The following IER3IP1 variants were observed in gnomAD, a reference collection of about 807,000 sequenced individuals.
IER3IP1 encodes the protein immediate early response 3 interacting protein 1.
IER3IP1 carries 16 observed loss-of-function variants against 12.2 expected under a neutral mutation model. The ratio of observed to expected loss-of-function variants is 1.31; its 90% CI spans 0.89 to 1.99. IER3IP1 has a LOEUF of 1.99. Among genes scored for constraint, IER3IP1 ranks in the 30% most tolerant of loss-of-function variants. IER3IP1 has a pLI of 0.00. For synonymous variants in IER3IP1, 42 were observed against 40.0 expected (o/e 1.05, Z -0.19); for missense variants, 95 against 95.8 (o/e 0.99, Z 0.03).
At chr18:47,169,263 G>A (rs1339826154) in intron 1 of IER3IP1, among the ~76,000 whole-genome samples, 2 of 152,236 alleles carry the variant, frequency 1.3e-5, no homozygotes, top group Non-Finnish European at 2.9e-5. Context: ...ATTGTAGTGT[G>A]TAATAATACT....
Position 47,154,546 on chromosome 18 carries a change from T to C in IER3IP1, c.*1631A>G, listed in dbSNP as rs2063951584. ...TTCATTTTAAAAAATTTTGTACTGC[T>C]CATACCATATGGGGAAATGGGCCTG... On this transcript the variant is annotated 3_prime_UTR_variant, in exon 3 of 3. Coordinates refer to ENST00000256433, the MANE Select transcript of IER3IP1 (RefSeq NM_016097.5). The C allele has an allele frequency of 6.6e-6, 1 of 152,240 alleles. No homozygotes were observed. Among genetic ancestry groups the C allele is most frequent in the Non-Finnish European group, 1.5e-5 (1 of 68,040 alleles). 9.4% of individuals were successfully genotyped at this position (152,240 alleles called of 1,614,324 possible).
At chr18:47,158,074 G>T (rs962093273) in intron 1 of IER3IP1, among the ~76,000 whole-genome samples, 3 of 152,024 alleles carry the variant, frequency 2.0e-5, no homozygotes, top group Admixed American at 2.0e-4. Flanking sequence ...CAAACACCAG[G>T]ATACCAAATC....
chr18:47,159,848 T>C (rs1328517245), intron 1 of IER3IP1, among the ~76,000 whole-genome samples: 1 of 152,180 alleles, frequency 6.6e-6, no homozygotes, highest in East Asian at 1.9e-4. Context: ...ACTTGCTCTT[T>C]TTGAAATTCT....
intron 2 of IER3IP1, 53 bp downstream of exon 2, chr18:47,157,383 A>G: frequency 2.0e-6 from 3 of 1,481,928 alleles, no homozygotes; most frequent in African/African-American, 2.8e-5. Context: ...AAGCCTTGCT[A>G]CTTAAACCAC....
In IER3IP1 at chr18:47,157,459, C is replaced by A. The variant is rs149009126; in HGVS notation, c.170G>T (p.Arg57Leu). 3 of 1,613,830 alleles carry A rather than the reference C, an allele frequency of 1.9e-6. No individual in the cohort carries two copies. Among genetic ancestry groups the A allele is most frequent in the Admixed American group, 1.7e-5 (1 of 59,984 alleles). Residue 57 changes from arginine (R) to leucine (L), a missense_variant, in exon 2 of 3, where the codon CGA becomes CTA. Physicochemically the swap from Arg to Leu is moderately radical, Grantham distance 102. Transcript: ENST00000256433. ...GIKSQLMNLI[R>L]SVRTVMRVPL... is the part of the protein sequence containing the mutation. ...ACCTCTCATCACGGTTCTTACAGAT[C>A]GAATAAGGTTCATTAGCTGTGATTT...
intron 1 of IER3IP1, among the ~76,000 whole-genome samples, chr18:47,168,687 A>G (rs1294872529): frequency 6.6e-6 from 1 of 152,234 alleles, no homozygotes; most frequent in Non-Finnish European, 1.5e-5. Context: ...TTATGCTGCT[A>G]TGAACATTCT....
At chr18:47,164,778 C>CAAA (rs532684692) in intron 1 of IER3IP1, among the ~76,000 whole-genome samples, 2 of 132,532 alleles carry the variant, frequency 1.5e-5, no homozygotes, top group African/African-American at 5.4e-5. Flanking sequence ...ACCCTCTTTC[C>CAAA]AAAAAAAAAA....
chr18:47,158,045 C>T (rs1010945919), intron 1 of IER3IP1, among the ~76,000 whole-genome samples: 1 of 152,054 alleles, frequency 6.6e-6, no homozygotes. Context: ...ATCATAATAC[C>T]AAAATACACA....
chr18:47,169,585 T>G (rs894092335), intron 1 of IER3IP1, among the ~76,000 whole-genome samples: 8 of 151,718 alleles, frequency 5.3e-5, no homozygotes, highest in Non-Finnish European at 1.2e-4. Context: ...TTATTTAGTG[T>G]TTTTAACTTT....
chr18:47,158,417 T>TA (rs1309246099), intron 1 of IER3IP1, among the ~76,000 whole-genome samples: 1 of 152,056 alleles, frequency 6.6e-6, no homozygotes, highest in African/African-American at 2.4e-5. Flanking sequence ...CACGGCTTAC[T>TA]ACAGCCTCAA....
At chr18:47,162,266 T>A (rs2063982360) in intron 1 of IER3IP1, among the ~76,000 whole-genome samples, 1 of 152,178 alleles carries the variant, frequency 6.6e-6, no homozygotes, top group Non-Finnish European at 1.5e-5. Context: ...AAATAGCCAA[T>A]TTCTTCATTC....
rs958558795 is a variant in IER3IP1, at chr18:47,160,591, T to A, written c.92-3054A>T. 2.0e-5 allele frequency among the ~76,000 whole-genome samples: 3 copies of A among 152,186 alleles called. No homozygotes were observed. The South Asian group carries it at 6.2e-4, about 32-fold the overall frequency. On this transcript the variant is annotated intron_variant, in intron 1 of 2. Transcript: ENST00000256433. The stretch of plus-strand genomic sequence containing the variant: ...ACAAGAACATGGTAATAGTTCCGCC[T>A]AACATGATGCACCTAACATGATATA...
intron 1 of IER3IP1, among the ~76,000 whole-genome samples, chr18:47,171,908 T>A (rs1271452725): frequency 6.6e-6 from 1 of 152,052 alleles, no homozygotes; most frequent in Non-Finnish European, 1.5e-5. Context: ...TTCTCCTGCC[T>A]CAGCCTCCCC....
At chr18:47,166,770 T>TA (rs1219231754) in intron 1 of IER3IP1, among the ~76,000 whole-genome samples, 2 of 151,890 alleles carry the variant, frequency 1.3e-5, no homozygotes, top group Non-Finnish European at 2.9e-5. Flanking sequence ...ACAAATAAAA[T>TA]AAAAAAACCT....
intron 1 of IER3IP1, among the ~76,000 whole-genome samples, chr18:47,163,755 A>G (rs2144429817): frequency 6.6e-6 from 1 of 152,290 alleles, no homozygotes; most frequent in South Asian, 2.1e-4. Context: ...TATTACTTTG[A>G]TAAAAGTAAA....
chr18:47,163,426 C>T (rs2063986053), intron 1 of IER3IP1, among the ~76,000 whole-genome samples: 2 of 152,318 alleles, frequency 1.3e-5, no homozygotes, highest in African/African-American at 4.8e-5. Flanking sequence ...CTTCATCATG[C>T]TACTCATAAC....
chr18:47,176,256 G>GT lies in IER3IP1; in HGVS notation c.21dup (p.Leu8ThrfsTer42). ...ACGCAGAGCAGGGCTGCCTGCAGCA[G>GT]TGAGTACAGGGTAAAGGCCATGGCC... On this transcript the variant is annotated frameshift_variant, in exon 1 of 3. Transcript: ENST00000256433. LOFTEE classifies it high-confidence loss of function. The GT allele has an allele frequency of 6.2e-7, 1 of 1,609,592 alleles. No individual in the cohort carries two copies. Among genetic ancestry groups the GT allele is most frequent in the Non-Finnish European group, 8.5e-7 (1 of 1,178,152 alleles).
chr18:47,176,337 G>C lies in IER3IP1; in HGVS notation c.-60C>G, dbSNP rs540150796. 22 of 1,459,922 alleles carry C rather than the reference G, an allele frequency of 1.5e-5. No homozygotes were observed. The Admixed American group carries it at 1.9e-4, about 13-fold the overall frequency. The allele number at this position is 1,459,922 out of a possible 1,614,324, so 90.4% of individuals were successfully genotyped here. A position where few individuals can be genotyped will look rare whatever the true frequency, so the allele number is the denominator to read the frequency against. Reference sequence around the variant, plus strand: ...TCTCTCCCGCCGCCGCAAGGGACGTGGCGCCTCCACGGCCGGCGCCTTCCT... The same window carrying C: ...TCTCTCCCGCCGCCGCAAGGGACGTCGCGCCTCCACGGCCGGCGCCTTCCT... On this transcript the variant is annotated 5_prime_UTR_variant, in exon 1 of 3. Coordinates refer to ENST00000256433, the MANE Select transcript of IER3IP1 (RefSeq NM_016097.5).
chr18:47,153,334 T>G lies in IER3IP1; in HGVS notation c.*2843A>C, dbSNP rs1225094105. ...GCACCCATCACTGGACTACTGTACA[T>G]TGTACTCAGTATGTAGTTTCTGTTT... On this transcript the variant is annotated 3_prime_UTR_variant, in exon 3 of 3. Coordinates refer to ENST00000256433, the MANE Select transcript of IER3IP1 (RefSeq NM_016097.5). 6.6e-6 allele frequency: 1 copy of G among 152,238 alleles called. No homozygotes were observed. Among genetic ancestry groups the G allele is most frequent in the Non-Finnish European group, 1.5e-5 (1 of 68,076 alleles). The allele number at this position is 152,238 out of a possible 1,614,324, so 9.4% of individuals were successfully genotyped here.
Sources: allele counts gnomAD v4.1 joint callset (sites outside exome capture counted in the v4.1 genomes callset), GRCh38; gene constraint gnomAD v4.1.1; transcripts MANE v1.5; gene names NCBI Gene and HGNC (gene_info 2026-07-23, HGNC 2026-07-21).